WWOX: variants seen among roughly 807,000 people sequenced by gnomAD.
WWOX encodes WW domain containing oxidoreductase.
A neutral mutation model predicts 46.2 loss-of-function variants in WWOX; 69 were observed. The ratio of observed to expected loss-of-function variants is 1.49; its 90% confidence interval spans 1.23 to 1.82. The LOEUF is 1.82. Among genes scored for constraint, WWOX ranks in the 40% most tolerant of loss-of-function variants. The pLI is 0.00. For missense variants in WWOX, 919 were observed against 542.6 expected (o/e 1.69, Z -6.89); for synonymous variants, 359 against 202.6 (o/e 1.77, Z -6.56).
intron 8 of WWOX, among the ~76,000 whole-genome samples, chr16:78,716,418 G>A (rs138594469): frequency 3.9e-5 from 6 of 152,220 alleles, no homozygotes; most frequent in Non-Finnish European, 5.9e-5. Context: ...GTAGCTTTCT[G>A]CAGCAACCCT....
At chr16:78,180,344 A>AG (rs377219382) in intron 5 of WWOX, among the ~76,000 whole-genome samples, 14 of 152,288 alleles carry the variant, frequency 9.2e-5, no homozygotes, top group African/African-American at 3.4e-4. Flanking sequence ...ACCTGAGAGT[A>AG]GGGGGCATAT....
chr16:78,984,088 C>T (rs552154540), intron 8 of WWOX, among the ~76,000 whole-genome samples: 1 of 152,104 alleles, frequency 6.6e-6, no homozygotes, highest in African/African-American at 2.4e-5. Flanking sequence ...CTGTCTTAGC[C>T]AGGATGGTCT....
intron 8 of WWOX, among the ~76,000 whole-genome samples, chr16:78,859,040 A>ATGTG (rs2052650130): frequency 2.7e-4 from 7 of 25,780 alleles, no homozygotes; most frequent in Admixed American, 9.1e-4. Context: ...ATATATATAT[A>ATGTG]TATATATATG....
At chr16:78,309,679 C>A (rs113005337) in intron 5 of WWOX, among the ~76,000 whole-genome samples, 1 of 152,138 alleles carries the variant, frequency 6.6e-6, no homozygotes, top group Non-Finnish European at 1.5e-5. Flanking sequence ...GAATAAACTT[C>A]TTTAAATATT....
chr16:78,804,930 A>C (rs1290127952), intron 8 of WWOX, among the ~76,000 whole-genome samples: 1 of 152,252 alleles, frequency 6.6e-6, no homozygotes, highest in South Asian at 2.1e-4. Context: ...ACAATTCCTG[A>C]AAGATTGAAA....
rs971653345 is a variant in WWOX, at chr16:79,010,885, G to A, written c.1057-200723G>A. ...AGTGCGGGAGATGGGAACAGAGAGCGAGAGGGCAGACGGGGTCATGTTGTG... is the reference window on the plus strand; with the variant it reads ...AGTGCGGGAGATGGGAACAGAGAGCAAGAGGGCAGACGGGGTCATGTTGTG... On this transcript the variant is annotated intron_variant, in intron 8 of 8. Transcript: ENST00000566780. Among the ~76,000 whole-genome samples the A allele has an allele frequency of 2.2e-4, 33 of 152,116 alleles. 1 individual carries two copies. Among genetic ancestry groups the A allele is most frequent in the Non-Finnish European group, 4.3e-4 (29 of 67,996 alleles).
In WWOX at chr16:78,710,691, T is replaced by A. The variant is rs1078285; in HGVS notation, c.1056+277939T>A. 2.0e-5 allele frequency among the ~76,000 whole-genome samples: 3 copies of A among 150,156 alleles called. No homozygotes were observed. In the Admixed American group the frequency reaches 2.0e-4, roughly 10 times the overall value. On this transcript the variant is annotated intron_variant, in intron 8 of 8. Coordinates refer to ENST00000566780, the MANE Select transcript of WWOX (RefSeq NM_016373.4). ...GTGCAGTGGCGTGATCATGGCTCACTGTAGCCTCAACCTCCTGGGCTCAAC... is the reference window on the plus strand; with the variant it reads ...GTGCAGTGGCGTGATCATGGCTCACAGTAGCCTCAACCTCCTGGGCTCAAC...
chr16:78,970,256 T>G (rs1300856535), intron 8 of WWOX, among the ~76,000 whole-genome samples: 6 of 152,182 alleles, frequency 3.9e-5, no homozygotes, highest in Non-Finnish European at 8.8e-5. Flanking sequence ...AGTTAGAGAC[T>G]CAGATTTATC....
At chr16:78,682,752 T>C (rs1313975002) in intron 8 of WWOX, among the ~76,000 whole-genome samples, 1 of 152,174 alleles carries the variant, frequency 6.6e-6, no homozygotes. Context: ...AGAAAGGTAT[T>C]TCTCCCCTTC....
At chr16:78,502,432 A>G (rs779614421) in intron 8 of WWOX, among the ~76,000 whole-genome samples, 9 of 152,180 alleles carry the variant, frequency 5.9e-5, no homozygotes, top group Non-Finnish European at 1.3e-4. Context: ...AAATAGAGTG[A>G]TATGTTAGTC....
intron 8 of WWOX, among the ~76,000 whole-genome samples, chr16:78,908,765 A>C (rs530400106): frequency 3.9e-5 from 6 of 152,114 alleles, no homozygotes; most frequent in Admixed American, 3.3e-4. Flanking sequence ...GGTGGGAGCC[A>C]CAAGACCATA....
At position 78,629,848 on chromosome 16, in the gene WWOX, T is replaced by G. The variant is rs963360739; in HGVS notation, c.1056+197096T>G. Reference sequence around the variant, plus strand: ...GAAATAGAAAAAACTAATTTAGAAATAGAAAATTAATTGAGTTTTAGTTTT... The same window carrying G: ...GAAATAGAAAAAACTAATTTAGAAAGAGAAAATTAATTGAGTTTTAGTTTT... On this transcript the variant is annotated intron_variant, in intron 8 of 8. Coordinates refer to ENST00000566780, the MANE Select transcript of WWOX (RefSeq NM_016373.4). Among the ~76,000 whole-genome samples, 4 of 152,266 alleles carry G rather than the reference T, an allele frequency of 2.6e-5. No homozygotes were observed. The South Asian group carries it at 6.2e-4, about 24-fold the overall frequency.
intron 5 of WWOX, among the ~76,000 whole-genome samples, chr16:78,311,319 C>G (rs980028741): frequency 6.6e-6 from 1 of 152,172 alleles, no homozygotes; most frequent in East Asian, 1.9e-4. Context: ...TCTTGATCAT[C>G]TAAGCAATGA....
chr16:78,490,302 A>G (rs533507342), intron 8 of WWOX, among the ~76,000 whole-genome samples: 1 of 152,246 alleles, frequency 6.6e-6, no homozygotes, highest in East Asian at 1.9e-4. Flanking sequence ...TAACACACAA[A>G]TAACTCAGCG....
intron 5 of WWOX, among the ~76,000 whole-genome samples, chr16:78,170,502 C>T (rs2035121700): frequency 6.6e-6 from 1 of 152,208 alleles, no homozygotes; most frequent in African/African-American, 2.4e-5. Flanking sequence ...TTCTTAACCT[C>T]TCCAACTGGC....
intron 8 of WWOX, among the ~76,000 whole-genome samples, chr16:78,662,972 A>G (rs936794343): frequency 4.6e-5 from 7 of 152,146 alleles, no homozygotes; most frequent in African/African-American, 1.7e-4. Flanking sequence ...TAATCTTGGA[A>G]GTCACATCCT....
At chr16:78,726,086 T>TCCCTCCCTCCCTCCCTCCCTCCCTCC (rs2048825695) in intron 8 of WWOX, among the ~76,000 whole-genome samples, 1 of 106,726 alleles carries the variant, frequency 9.4e-6, no homozygotes, top group African/African-American at 3.6e-5. Context: ...TCCCTCCCTC[T>TCCCTCCCTCCCTCCCTCCCTCCCTCC]TCCTCCCTCC....
intron 4 of WWOX, among the ~76,000 whole-genome samples, chr16:78,146,641 A>T (rs998387849): frequency 6.6e-6 from 1 of 151,726 alleles, no homozygotes; most frequent in Non-Finnish European, 1.5e-5. Context: ...CAAATGAAGA[A>T]CTCCTTCCCA....
intron 8 of WWOX, among the ~76,000 whole-genome samples, chr16:79,161,094 T>C (rs1420333431): frequency 2.6e-5 from 4 of 152,228 alleles, no homozygotes; most frequent in Non-Finnish European, 5.9e-5. Context: ...CTAGGTATTG[T>C]TTAACACAGA....
Sources: allele counts gnomAD v4.1 joint callset (sites outside exome capture counted in the v4.1 genomes callset), GRCh38; gene constraint gnomAD v4.1.1; transcripts MANE v1.5; gene names NCBI Gene and HGNC (gene_info 2026-07-23, HGNC 2026-07-21).